Variants in UNC93A observed in about 807,000 individuals in gnomAD.
UNC93A encodes the protein unc-93 homolog A, also known as N-acetylglucosamine transporter UNC93A.
A neutral mutation model predicts 47.5 loss-of-function variants in UNC93A; 43 were observed. That is an observed-to-expected ratio of 0.91 (90% CI 0.71 to 1.17). The LOEUF is 1.17. UNC93A is among the 50% of genes most tolerant of loss of function. The pLI, the probability that UNC93A is intolerant of heterozygous loss-of-function variation, is 0.00. For missense variants in UNC93A, 605 were observed against 577.6 expected, an observed-to-expected ratio of 1.05 and a Z score of -0.49; for synonymous variants, 280 against 258.0, an observed-to-expected ratio of 1.09 and a Z score of -0.82.
At chr6:167,297,170 G>T (rs923147406) in intron 3 of UNC93A, among the ~76,000 whole-genome samples, 2 of 152,176 alleles carry the variant, frequency 1.3e-5, no homozygotes, top group East Asian at 1.9e-4. Context: ...GGAGGAACAG[G>T]CATTTCTTTC....
At chr6:167,302,480 A>G (rs747642754) in intron 4 of UNC93A, among the ~76,000 whole-genome samples, 9 of 152,150 alleles carry the variant, frequency 5.9e-5, no homozygotes, top group Non-Finnish European at 1.3e-4. Context: ...ACTGTGTATC[A>G]TTACCACTGC....
intron 7 of UNC93A, among the ~76,000 whole-genome samples, chr6:167,311,844 C>T (rs145910742): frequency 4.7e-3 from 720 of 152,388 alleles, no homozygotes; most frequent in Non-Finnish European, 5.8e-3. Context: ...GCATTTACCC[C>T]GTAGGCCCTG....
chr6:167,312,116 AGTCTGT>A (rs1562362142), intron 7 of UNC93A, among the ~76,000 whole-genome samples: 1 of 152,126 alleles, frequency 6.6e-6, no homozygotes, highest in Non-Finnish European at 1.5e-5. Flanking sequence ...AGAGCACCGT[AGTCTGT>A]AGGCTGTTCC....
upstream of UNC93A, among the ~76,000 whole-genome samples, chr6:167,290,043 T>C (rs1295602187): frequency 6.6e-6 from 1 of 152,176 alleles, no homozygotes; most frequent in Admixed American, 6.5e-5. Context: ...TTCTAGGGGC[T>C]TTCAAAATTA....
chr6:167,273,495 GATCCT>G (rs1475935767), intron 1 of UNC93A, among the ~76,000 whole-genome samples: 1 of 152,170 alleles, frequency 6.6e-6, no homozygotes, highest in African/African-American at 2.4e-5. Flanking sequence ...TATGTGGTGA[GATCCT>G]ATCCTGACTT....
chr6:167,291,337 G>T lies in UNC93A; in HGVS notation c.-153G>T. 1.7e-6 allele frequency: 1 copy of T among 591,060 alleles called. No homozygotes were observed. The highest frequency in any genetic ancestry group is 2.7e-5 in the South Asian group (1 of 37,598). 36.6% of individuals were successfully genotyped at this position (591,060 alleles called of 1,614,324 possible). On this transcript the variant is annotated 5_prime_UTR_variant, in exon 1 of 8. It removes an upstream start codon present in the reference 5' UTR. Coordinates refer to ENST00000230256, the MANE Select transcript of UNC93A (RefSeq NM_018974.4). ...TTCATTAACGAGTGACAGTCTTAAT[G>T]ACTAACACACCTCTAACATTTCACC...
chr6:167,302,965 C>A (rs185173144), intron 4 of UNC93A, among the ~76,000 whole-genome samples: 1 of 152,194 alleles, frequency 6.6e-6, no homozygotes, highest in African/African-American at 2.4e-5. Context: ...TTCCCTCTGT[C>A]CAGCGTGTCC....
chr6:167,287,339 G>A (rs1052511873), upstream of UNC93A, among the ~76,000 whole-genome samples: 5 of 152,184 alleles, frequency 3.3e-5, no homozygotes, highest in African/African-American at 9.7e-5. Flanking sequence ...CTGCTCTGCC[G>A]CCCGTGTGGA....
chr6:167,272,438 C>T (rs189854905), intron 1 of UNC93A, among the ~76,000 whole-genome samples: 66 of 152,318 alleles, frequency 4.3e-4, no homozygotes, highest in Middle Eastern at 6.8e-3. Context: ...AAGAGCCAAA[C>T]TCTGTAAAAT....
At chr6:167,297,407 C>T (rs1778117300) in intron 3 of UNC93A, among the ~76,000 whole-genome samples, 1 of 152,160 alleles carries the variant, frequency 6.6e-6, no homozygotes, top group Non-Finnish European at 1.5e-5. Flanking sequence ...CATCTTTCTC[C>T]TTTCCCCAGA....
intron 7 of UNC93A, among the ~76,000 whole-genome samples, chr6:167,309,458 G>A (rs1162669215): frequency 3.3e-5 from 5 of 152,108 alleles, no homozygotes; most frequent in South Asian, 2.1e-4. Context: ...GCAAGACTGC[G>A]TGTCTAAGAG....
chr6:167,292,388 C>T (rs997713785), intron 1 of UNC93A, among the ~76,000 whole-genome samples: 1 of 152,150 alleles, frequency 6.6e-6, no homozygotes, highest in South Asian at 2.1e-4. Flanking sequence ...GAATTGGGCA[C>T]CTACTGTGTG....
chr6:167,272,805 TAC>T (rs1323927673), intron 1 of UNC93A, among the ~76,000 whole-genome samples: 1 of 152,194 alleles, frequency 6.6e-6, no homozygotes, highest in East Asian at 1.9e-4. Flanking sequence ...AGTTCTTATT[TAC>T]AGAGGAAGCC....
chr6:167,311,784 A>G (rs1341058954), intron 7 of UNC93A, among the ~76,000 whole-genome samples: 1 of 152,288 alleles, frequency 6.6e-6, no homozygotes, highest in African/African-American at 2.4e-5. Context: ...GAAAAGTTGC[A>G]AATGTAGTAC....
intron 7 of UNC93A, among the ~76,000 whole-genome samples, chr6:167,311,396 G>T (rs1465160840): frequency 1.3e-5 from 2 of 152,146 alleles, no homozygotes; most frequent in East Asian, 3.9e-4. Flanking sequence ...CCATCCCCTG[G>T]CCTCTGCAAG....
intron 5 of UNC93A, among the ~76,000 whole-genome samples, chr6:167,305,092 A>G (rs1023061597): frequency 3.9e-5 from 4 of 101,374 alleles, no homozygotes; most frequent in Admixed American, 9.9e-5. Context: ...TCCGGAGGAA[A>G]CTTCTCTGCT....
intron 3 of UNC93A, among the ~76,000 whole-genome samples, chr6:167,297,180 C>T (rs931878036): frequency 8.5e-5 from 13 of 152,256 alleles, no homozygotes; most frequent in Admixed American, 2.0e-4. Context: ...GCATTTCTTT[C>T]GAAGACCTTT....
At chr6:167,280,910 A>T (rs1783621189) in intron 1 of UNC93A, among the ~76,000 whole-genome samples, 1 of 152,178 alleles carries the variant, frequency 6.6e-6, no homozygotes, top group South Asian at 2.1e-4. Context: ...AAAGGAGTAC[A>T]AATTTATCTC....
chr6:167,274,701 G>A (rs1783509499), intron 1 of UNC93A, among the ~76,000 whole-genome samples: 1 of 152,132 alleles, frequency 6.6e-6, no homozygotes, highest in South Asian at 2.1e-4. Context: ...CTTTAGTCTT[G>A]TTGAGCTTTG....
Sources: allele counts gnomAD v4.1 joint callset (sites outside exome capture counted in the v4.1 genomes callset), GRCh38; gene constraint gnomAD v4.1.1; transcripts MANE v1.5; gene names NCBI Gene and HGNC (gene_info 2026-07-23, HGNC 2026-07-21).